The following MCPH1 variants were observed in gnomAD, a reference collection of about 807,000 sequenced individuals.
MCPH1 encodes the protein microcephalin.
MCPH1 carries 104 observed loss-of-function variants against 84.5 expected under a neutral mutation model. The observed-to-expected ratio is 1.23, with a 90% confidence interval of 1.05 to 1.45. MCPH1 has a LOEUF of 1.45. Ranked by LOEUF, MCPH1 falls within the 40% of genes most tolerant of loss-of-function variation. The probability of loss-of-function intolerance (pLI) is 0.00; values close to 1 mark genes in which losing one functional copy is unlikely to be tolerated. For missense variants in MCPH1, 1,498 were observed against 1,005.7 expected (o/e 1.49, Z -6.62); for synonymous variants, 514 against 366.8 (o/e 1.40, Z -4.58).
chr8:6,492,248 T>C (rs139628997), intron 11 of MCPH1, among the ~76,000 whole-genome samples: 11,174 of 152,310 alleles, frequency 0.073, 1,052 homozygotes, highest in African/African-American at 0.21. Flanking sequence ...CATGTTTTCA[T>C]GTGTCTGTTG....
intron 12 of MCPH1, 54 bp from the exon 13 acceptor site, chr8:6,621,400 T>C (rs914804531): frequency 5.9e-5 from 94 of 1,606,164 alleles, no homozygotes; most frequent in Non-Finnish European, 5.6e-5. Flanking sequence ...TCGCCTACGC[T>C]ATGGAGACTG....
chr8:6,612,089 A>G (rs1292353309), intron 12 of MCPH1, among the ~76,000 whole-genome samples: 1 of 152,108 alleles, frequency 6.6e-6, no homozygotes, highest in Non-Finnish European at 1.5e-5. Flanking sequence ...CCTCATTAGC[A>G]TACACGCAGG....
intron 8 of MCPH1, chr8:6,446,235 A>G (rs1354222860): frequency 2.1e-6 from 2 of 954,590 alleles, no homozygotes; most frequent in African/African-American, 1.8e-5. Flanking sequence ...AAAATTTTGC[A>G]CTTCACAGTT....
intron 13 of MCPH1, among the ~76,000 whole-genome samples, chr8:6,623,225 G>A (rs1172158227): frequency 6.6e-6 from 1 of 151,880 alleles, no homozygotes; most frequent in East Asian, 1.9e-4. Context: ...AGTTACTGAG[G>A]GTTAAGACAT....
At chr8:6,465,687 A>T (rs1806805756) in intron 9 of MCPH1, among the ~76,000 whole-genome samples, 1 of 151,528 alleles carries the variant, frequency 6.6e-6, no homozygotes, top group Admixed American at 6.6e-5. Context: ...AGGGCGGGGG[A>T]GGCCTGCAAA....
At chr8:6,464,926 G>C (rs1160278644) in intron 9 of MCPH1, among the ~76,000 whole-genome samples, 1 of 152,016 alleles carries the variant, frequency 6.6e-6, no homozygotes, top group African/African-American at 2.4e-5. Context: ...TTGAACCCAG[G>C]AGGTAGAGGT....
intron 9 of MCPH1, among the ~76,000 whole-genome samples, chr8:6,472,483 T>G (rs1174131738): frequency 6.6e-6 from 1 of 152,182 alleles, no homozygotes; most frequent in African/African-American, 2.4e-5. Flanking sequence ...TTTGTTTTTT[T>G]GAGATGGAGA....
chr8:6,429,486 G>C (rs988072852), intron 3 of MCPH1, among the ~76,000 whole-genome samples: 2 of 151,048 alleles, frequency 1.3e-5, no homozygotes, highest in African/African-American at 4.9e-5. Context: ...CTGAGCTCCA[G>C]ATGGACTCCT....
chr8:6,474,784 A>G (rs551438875), intron 9 of MCPH1, among the ~76,000 whole-genome samples: 2 of 152,296 alleles, frequency 1.3e-5, no homozygotes, highest in South Asian at 4.1e-4. Context: ...AGGATTGCCG[A>G]GGGCAGGTAT....
chr8:6,483,317 A>T (rs755713323), intron 11 of MCPH1, among the ~76,000 whole-genome samples: 22 of 152,362 alleles, frequency 1.4e-4, no homozygotes, highest in Admixed American at 5.2e-4. Flanking sequence ...AGATACAGAC[A>T]AACTGGTTCT....
At chr8:6,435,173 G>A (rs181058445) in intron 4 of MCPH1, among the ~76,000 whole-genome samples, 2 of 152,262 alleles carry the variant, frequency 1.3e-5, no homozygotes, top group Non-Finnish European at 2.9e-5. Flanking sequence ...GGTAGGGCAA[G>A]CATAATCATG....
chr8:6,485,820 T>A (rs537026379), intron 11 of MCPH1, among the ~76,000 whole-genome samples: 1 of 152,260 alleles, frequency 6.6e-6, no homozygotes, highest in South Asian at 2.1e-4. Context: ...GATATAAATA[T>A]ATGTTTGTGT....
intron 12 of MCPH1, among the ~76,000 whole-genome samples, chr8:6,534,294 A>T (rs1356050668): frequency 6.6e-6 from 1 of 152,232 alleles, no homozygotes; most frequent in African/African-American, 2.4e-5. Context: ...ACATTGTGTT[A>T]GGTATTCTAA....
intron 11 of MCPH1, among the ~76,000 whole-genome samples, chr8:6,498,373 C>T (rs951006196): frequency 2.0e-5 from 3 of 152,162 alleles, no homozygotes; most frequent in East Asian, 1.9e-4. Context: ...AAAATGTTTA[C>T]ACTGTATTTC....
rs753231944 is a variant in MCPH1, at chr8:6,414,783, A to T, written c.133A>T (p.Lys45Ter). ...MGAKVSKTFN[K>*]QVTHVIFKDG... Reference sequence around the variant, plus strand: ...TCTACAGGTTTCAAAAACTTTTAACAAACAAGTAACTCACGTTATCTTCAA... The same window carrying T: ...TCTACAGGTTTCAAAAACTTTTAACTAACAAGTAACTCACGTTATCTTCAA... Residue 45 changes from lysine to a stop codon, truncating the protein, a stop_gained, in exon 3 of 14, where the codon AAA becomes TAA. Coordinates refer to ENST00000344683, the MANE Select transcript of MCPH1 (RefSeq NM_024596.5). LOFTEE classifies it high-confidence loss of function. 1.2e-6 allele frequency: 2 copies of T among 1,613,786 alleles called. No individual in the cohort carries two copies. Among genetic ancestry groups the T allele is most frequent in the African/African-American group, 2.7e-5 (2 of 74,920 alleles).
chr8:6,495,720 G>C (rs984233774), intron 11 of MCPH1, among the ~76,000 whole-genome samples: 1 of 152,182 alleles, frequency 6.6e-6, no homozygotes, highest in Non-Finnish European at 1.5e-5. Context: ...GTGAAGGGTG[G>C]ATGGAGGAGA....
chr8:6,579,565 TAG>T (rs1370427968), intron 12 of MCPH1, among the ~76,000 whole-genome samples: 3 of 152,226 alleles, frequency 2.0e-5, no homozygotes, highest in Non-Finnish European at 4.4e-5. Context: ...AATGTGACTG[TAG>T]TTAGTATGTA....
intron 12 of MCPH1, among the ~76,000 whole-genome samples, chr8:6,522,399 C>T (rs1201348055): frequency 6.6e-6 from 1 of 151,764 alleles, no homozygotes; most frequent in Non-Finnish European, 1.5e-5. Context: ...TAGCGCCTGT[C>T]ATACATTAAC....
rs150875809 is a variant in MCPH1 at position 6,569,713 on chromosome 8, G to T, written c.2215-51741G>T. ...AATGGTTATGAATTTAAGGAGAATT[G>T]AAAGCAATAATTTTGCCCCTCTTTA... On this transcript the variant is annotated intron_variant, in intron 12 of 13. Coordinates refer to ENST00000344683, the MANE Select transcript of MCPH1 (RefSeq NM_024596.5). Among the ~76,000 whole-genome samples, 224 of 152,336 alleles carry T rather than the reference G, an allele frequency of 1.5e-3. 1 individual carries two copies. The highest frequency in any genetic ancestry group is 5.0e-3 in the African/African-American group (206 of 41,578).
Sources: allele counts gnomAD v4.1 joint callset (sites outside exome capture counted in the v4.1 genomes callset), GRCh38; gene constraint gnomAD v4.1.1; transcripts MANE v1.5; gene names NCBI Gene and HGNC (gene_info 2026-07-23, HGNC 2026-07-21).